DLG2: variants seen among roughly 807,000 people sequenced by gnomAD.
The protein encoded by DLG2 is disks large homolog 2.
Under a neutral mutation model 132.5 loss-of-function variants are expected in DLG2, and 45 were observed. The ratio of observed to expected loss-of-function variants is 0.34; its 90% CI spans 0.27 to 0.44. The LOEUF is 0.44. Ranked by LOEUF, DLG2 falls within the 20% of genes least tolerant of loss-of-function variation. DLG2 has a pLI of 1.00. For synonymous variants in DLG2, 424 were observed against 419.6 expected (o/e 1.01, Z -0.13); for missense variants, 1,045 against 1,196.9 (o/e 0.87, Z 1.87).
chr11:84,078,622 C>T (rs773976145), intron 10 of DLG2, among the ~76,000 whole-genome samples: 1 of 152,124 alleles, frequency 6.6e-6, no homozygotes, highest in Non-Finnish European at 1.5e-5. Context: ...TTGGGCAGGT[C>T]AATTGAAGAT....
intron 6 of DLG2, among the ~76,000 whole-genome samples, chr11:85,007,350 A>G (rs997131782): frequency 4.0e-4 from 61 of 152,276 alleles, no homozygotes; most frequent in African/African-American, 1.4e-3. Context: ...GACTTGATCA[A>G]AAGTTTTATG....
intron 7 of DLG2, among the ~76,000 whole-genome samples, chr11:84,322,689 T>C (rs1353484844): frequency 1.3e-5 from 2 of 152,024 alleles, no homozygotes; most frequent in African/African-American, 4.8e-5. Flanking sequence ...TCCCAGGTTC[T>C]GGCAATTCTC....
At chr11:83,749,829 A>AGTTTT (rs1276872095) in intron 18 of DLG2, among the ~76,000 whole-genome samples, 1 of 152,140 alleles carries the variant, frequency 6.6e-6, no homozygotes, top group Non-Finnish European at 1.5e-5. Context: ...TAAACACTGA[A>AGTTTT]GTTTTGTTTC....
intron 11 of DLG2, among the ~76,000 whole-genome samples, chr11:83,982,092 G>C (rs1307367394): frequency 6.6e-6 from 1 of 152,090 alleles, no homozygotes; most frequent in Non-Finnish European, 1.5e-5. Context: ...TGCATTTCTA[G>C]TCACATATAT....
chr11:83,620,457 G>T (rs2061447827), intron 19 of DLG2, among the ~76,000 whole-genome samples: 1 of 152,044 alleles, frequency 6.6e-6, no homozygotes, highest in Non-Finnish European at 1.5e-5. Context: ...TCACTGAAAA[G>T]CATCAGCTTA....
In DLG2 at chr11:85,534,882, G is replaced by A. The variant is rs546208068; in HGVS notation, c.40+63775C>T. Among the ~76,000 whole-genome samples the A allele has an allele frequency of 6.6e-5, 10 of 152,280 alleles. No individual in the cohort carries two copies. The South Asian group carries it at 1.9e-3, about 28-fold the overall frequency. On this transcript the variant is annotated intron_variant, in intron 3 of 27. Coordinates refer to ENST00000376104, the MANE Select transcript of DLG2 (RefSeq NM_001142699.3). ...TAATGGGATTGCTGCGTTGGATGGC[G>A]ATTCTATTTTCAGTTCTTTCAGAAA... is the stretch of plus-strand genomic sequence containing the variant.
chr11:85,330,992 A>T (rs971288928), intron 3 of DLG2, among the ~76,000 whole-genome samples: 3 of 152,194 alleles, frequency 2.0e-5, no homozygotes, highest in African/African-American at 7.2e-5. Context: ...TGCAGGGATG[A>T]TAAAATACAA....
chr11:84,249,007 T>A (rs1011923528), intron 8 of DLG2, among the ~76,000 whole-genome samples: 5 of 152,236 alleles, frequency 3.3e-5, no homozygotes, highest in African/African-American at 1.2e-4. Flanking sequence ...AGCTAATCAT[T>A]TGGGATACCA....
intron 19 of DLG2, among the ~76,000 whole-genome samples, chr11:83,542,479 G>A (rs762152950): frequency 2.0e-5 from 3 of 152,164 alleles, no homozygotes; most frequent in Non-Finnish European, 4.4e-5. Flanking sequence ...CTATGCGTAT[G>A]TGTGTGTATG....
chr11:84,716,213 G>C lies in DLG2; in HGVS notation c.358-181482C>G, dbSNP rs554285743. 4.0e-5 allele frequency among the ~76,000 whole-genome samples: 6 copies of C among 151,864 alleles called. No homozygotes were observed. In the East Asian group the frequency reaches 1.2e-3, roughly 29 times the overall value. ...CACTGGCCATTTTAATGTCTCCTTT[G>C]AAGAAGTGTCTATCCAGGTCCCTTG... On this transcript the variant is annotated intron_variant, in intron 6 of 27. Transcript: ENST00000376104.
At chr11:85,505,809 T>C (rs2093917654) in intron 3 of DLG2, among the ~76,000 whole-genome samples, 1 of 152,214 alleles carries the variant, frequency 6.6e-6, no homozygotes, top group African/African-American at 2.4e-5. Flanking sequence ...AGCTCCTCCT[T>C]GTACCTCTGG....
chr11:84,630,098 T>G (rs2099628956), intron 6 of DLG2, among the ~76,000 whole-genome samples: 1 of 152,096 alleles, frequency 6.6e-6, no homozygotes, highest in African/African-American at 2.4e-5. Flanking sequence ...TAAGAAGGAT[T>G]TCAGGCTCAA....
intron 22 of DLG2, 65 bp downstream of exon 22, chr11:83,484,064 C>T (rs2093339909): frequency 1.2e-5 from 16 of 1,322,306 alleles, no homozygotes; most frequent in East Asian, 7.0e-5. Flanking sequence ...CTACATCCTG[C>T]GTGTTGCCTG....
intron 15 of DLG2, among the ~76,000 whole-genome samples, chr11:83,899,879 G>A (rs1485662859): frequency 1.3e-5 from 2 of 152,192 alleles, no homozygotes; most frequent in Non-Finnish European, 2.9e-5. Context: ...GGAACAGTTC[G>A]GAGGGCTCAG....
At chr11:84,291,518 A>C (rs1259210294) in intron 7 of DLG2, among the ~76,000 whole-genome samples, 2 of 152,288 alleles carry the variant, frequency 1.3e-5, no homozygotes, top group African/African-American at 2.4e-5. Context: ...ATTCTCCCTT[A>C]ACTGTTTTAT....
chr11:84,923,047 G>A (rs1458938701), intron 6 of DLG2: 2 of 1,613,738 alleles, frequency 1.2e-6, no homozygotes, highest in Admixed American at 3.3e-5. Flanking sequence ...CATGTATATT[G>A]TGCCCAGTTG....
intron 4 of DLG2, among the ~76,000 whole-genome samples, chr11:85,237,942 G>T (rs1275833045): frequency 6.6e-6 from 1 of 152,106 alleles, no homozygotes; most frequent in East Asian, 1.9e-4. Flanking sequence ...CTTGATTTAT[G>T]CATTTGTACA....
At position 85,117,627 on chromosome 11, in the gene DLG2, T is replaced by G. The variant is rs574253307; in HGVS notation, c.283-5892A>C. 3.4e-4 allele frequency among the ~76,000 whole-genome samples: 41 copies of G among 120,560 alleles called. 1 individual carries two copies. Among genetic ancestry groups the G allele is most frequent in the Admixed American group, 1.2e-3 (15 of 12,436 alleles). The allele number at this position is 120,560 out of a possible 152,430, so 79.1% of individuals were successfully genotyped here. A position where few individuals can be genotyped will look rare whatever the true frequency, so the allele number is the denominator to read the frequency against. On this transcript the variant is annotated intron_variant, in intron 5 of 27. Transcript: ENST00000376104. ...AGGTAAATAGAAAAAAAAAAAAAAG[T>G]AATCGTAAATAGGAATAAAAAAAAA...
intron 3 of DLG2, among the ~76,000 whole-genome samples, chr11:85,563,526 C>A (rs2077368614): frequency 1.3e-5 from 2 of 151,608 alleles, no homozygotes; most frequent in Admixed American, 1.3e-4. Context: ...ACATACTAGA[C>A]TTTTAAGTAG....
Sources: allele counts gnomAD v4.1 joint callset (sites outside exome capture counted in the v4.1 genomes callset), GRCh38; gene constraint gnomAD v4.1.1; transcripts MANE v1.5; gene names NCBI Gene and HGNC (gene_info 2026-07-23, HGNC 2026-07-21).